Variants in TMEM41B observed in about 807,000 individuals in gnomAD.
TMEM41B encodes transmembrane protein 41B.
Under a neutral mutation model 31.9 loss-of-function variants are expected in TMEM41B, and 18 were observed. The ratio of observed to expected loss-of-function variants is 0.56; its 90% CI spans 0.39 to 0.84. The LOEUF is 0.84. TMEM41B is among the 40% of genes least tolerant of loss of function. TMEM41B has a pLI of 0.00. For synonymous variants in TMEM41B, 144 were observed against 124.3 expected (o/e 1.16, Z -1.05); for missense variants, 322 against 348.0 (o/e 0.93, Z 0.59).
In TMEM41B at chr11:9,314,278, A is replaced by T. The variant is rs758795143; in HGVS notation, c.121+43T>A. 9 of 1,549,528 alleles carry T rather than the reference A, an allele frequency of 5.8e-6. No homozygotes were observed. The African/African-American group carries it at 1.1e-4, about 19-fold the overall frequency. ...GTCCTTTTCCCCACCCGACACACAGAAGCCTCGGGCCACCCCCAGCTCTGC... is the reference window on the plus strand; with the variant it reads ...GTCCTTTTCCCCACCCGACACACAGTAGCCTCGGGCCACCCCCAGCTCTGC... On this transcript the variant is annotated intron_variant, in intron 1 of 6. Coordinates refer to ENST00000528080, the MANE Select transcript of TMEM41B (RefSeq NM_015012.4).
intron 1 of TMEM41B, among the ~76,000 whole-genome samples, chr11:9,307,593 C>A (rs938966957): frequency 5.3e-5 from 8 of 151,762 alleles, no homozygotes; most frequent in African/African-American, 7.3e-5. Flanking sequence ...CAGGCGTGGG[C>A]CACCACGTCC....
At chr11:9,287,363 A>G (rs185563391) in intron 5 of TMEM41B, among the ~76,000 whole-genome samples, 4 of 152,302 alleles carry the variant, frequency 2.6e-5, no homozygotes, top group African/African-American at 4.8e-5. Context: ...AAGTGTTTCC[A>G]TAACAGATGC....
intron 2 of TMEM41B, among the ~76,000 whole-genome samples, chr11:9,296,875 G>C (rs975372798): frequency 6.6e-6 from 1 of 152,054 alleles, no homozygotes; most frequent in African/African-American, 2.4e-5. Context: ...GGAAAGCCTC[G>C]AATAATCACC....
At chr11:9,298,853 A>G (rs1254594139) in intron 2 of TMEM41B, among the ~76,000 whole-genome samples, 1 of 152,136 alleles carries the variant, frequency 6.6e-6, no homozygotes, top group East Asian at 1.9e-4. Flanking sequence ...CACATTTCAC[A>G]GTTCTCCATT....
chr11:9,310,348 A>T (rs1853526247), intron 1 of TMEM41B, among the ~76,000 whole-genome samples: 1 of 151,906 alleles, frequency 6.6e-6, no homozygotes, highest in South Asian at 2.1e-4. Flanking sequence ...AATGTACATG[A>T]CCCGGTATAC....
chr11:9,312,903 CAAAA>C (rs36030741), intron 1 of TMEM41B, among the ~76,000 whole-genome samples: 5 of 95,336 alleles, frequency 5.2e-5, no homozygotes, highest in Non-Finnish European at 4.2e-5. Flanking sequence ...GACTCCGTCT[CAAAA>C]AAAAAAAAAA....
At chr11:9,292,079 A>G (rs1427843004) in intron 3 of TMEM41B, among the ~76,000 whole-genome samples, 2 of 152,220 alleles carry the variant, frequency 1.3e-5, no homozygotes, top group Non-Finnish European at 2.9e-5. Flanking sequence ...TTATTGTCCT[A>G]AAGACTAGTC....
intron 5 of TMEM41B, among the ~76,000 whole-genome samples, chr11:9,286,894 G>A (rs1395966995): frequency 1.3e-5 from 2 of 152,090 alleles, no homozygotes; most frequent in African/African-American, 4.8e-5. Context: ...TAGCTACTTG[G>A]GAGGCTGAGG....
Position 9,280,989 on chromosome 11 carries a change from A to G in TMEM41B, c.*2435T>C, listed in dbSNP as rs937892338. 6.6e-6 allele frequency: 1 copy of G among 152,172 alleles called. No individual in the cohort carries two copies. The highest frequency in any genetic ancestry group is 1.5e-5 in the Non-Finnish European group (1 of 68,026). The allele number at this position is 152,172 out of a possible 1,614,324, so 9.4% of individuals were successfully genotyped here. A position where few individuals can be genotyped will look rare whatever the true frequency, so the allele number is the denominator to read the frequency against. ...TGACAGTCAATGATGATGAATCTGG[A>G]AAAACTGTCTATTCTCTTAGGAGAA... On this transcript the variant is annotated 3_prime_UTR_variant, in exon 7 of 7. Transcript: ENST00000528080.
rs567523325 is a variant in TMEM41B, at chr11:9,296,986, G to A, written c.240-1599C>T. On this transcript the variant is annotated intron_variant, in intron 2 of 6. Coordinates refer to ENST00000528080, the MANE Select transcript of TMEM41B (RefSeq NM_015012.4). ...CAGGCTGGATGGAGTGCAATGGCAC[G>A]ATCATAGCTCAATATTACCTCCATC... 1.0e-3 allele frequency among the ~76,000 whole-genome samples: 156 copies of A among 152,252 alleles called. 1 individual carries two copies. The highest frequency in any genetic ancestry group is 3.3e-3 in the African/African-American group (139 of 41,566).
chr11:9,294,271 G>A (rs1338814948), intron 3 of TMEM41B, among the ~76,000 whole-genome samples: 1 of 149,480 alleles, frequency 6.7e-6, no homozygotes, highest in Non-Finnish European at 1.5e-5. Context: ...GAGATGGGCA[G>A]ATCACCTGAG....
chr11:9,294,321 T>C (rs1309754028), intron 3 of TMEM41B, among the ~76,000 whole-genome samples: 2 of 149,252 alleles, frequency 1.3e-5, no homozygotes, highest in Non-Finnish European at 3.0e-5. Flanking sequence ...ATGGTGAAAC[T>C]CCGTCTCTAC....
At chr11:9,293,357 C>G (rs1338354387) in intron 3 of TMEM41B, among the ~76,000 whole-genome samples, 1 of 151,834 alleles carries the variant, frequency 6.6e-6, no homozygotes. Flanking sequence ...CCTGCTGAAG[C>G]CTCCCAAAGT....
chr11:9,299,433 G>A (rs932138747), intron 2 of TMEM41B, 151 bp downstream of exon 2: 3 of 590,218 alleles, frequency 5.1e-6, no homozygotes, highest in Non-Finnish European at 9.2e-6. Flanking sequence ...GTGTTGCCCA[G>A]GCTGGTCTCG....
Position 9,286,491 on chromosome 11 carries a change from C to G in TMEM41B, c.670G>C (p.Val224Leu). The change falls in exon 6 of 7, where the codon GTG becomes CTG. Residue 224 changes from valine (V) to leucine (L), a missense_variant. Transcript: ENST00000528080. ...FINITSPVIN[V>L]PLKVFFIGTF... The stretch of plus-strand genomic sequence containing the variant: ...CCAATAAAAAAAACTTTCAATGGCA[C>G]GTTTATCACAGGAGATGTGATATTA... 6.2e-7 allele frequency: 1 copy of G among 1,611,254 alleles called. No homozygotes were observed. The highest frequency in any genetic ancestry group is 1.7e-4 in the Middle Eastern group (1 of 6,050).
intron 1 of TMEM41B, among the ~76,000 whole-genome samples, chr11:9,307,367 T>A (rs1853425509): frequency 3.3e-5 from 5 of 152,228 alleles, no homozygotes. Flanking sequence ...TTCAACGGTC[T>A]TAAACTATTA....
Position 9,290,249 on chromosome 11 carries a change from C to T in TMEM41B, c.369-1714G>A, listed in dbSNP as rs543735112. 6.8e-4 allele frequency among the ~76,000 whole-genome samples: 103 copies of T among 152,096 alleles called. 1 individual carries two copies. Among genetic ancestry groups the T allele is most frequent in the East Asian group, 3.1e-3 (16 of 5,176 alleles). On this transcript the variant is annotated intron_variant, in intron 3 of 6. Coordinates refer to ENST00000528080, the MANE Select transcript of TMEM41B (RefSeq NM_015012.4). ...AAAACTAGCCGGGCGTGGTGGTGGG[C>T]ACCTGTAGTCCCAGCTACTCGGGAA...
At chr11:9,289,499 T>C (rs1370568784) in intron 3 of TMEM41B, among the ~76,000 whole-genome samples, 2 of 152,066 alleles carry the variant, frequency 1.3e-5, no homozygotes, top group Non-Finnish European at 2.9e-5. Flanking sequence ...TTCAATCTCC[T>C]CCTCCTTCCT....
chr11:9,311,625 C>A, intron 1 of TMEM41B: 1 of 915,290 alleles, frequency 1.1e-6, no homozygotes, highest in Non-Finnish European at 1.7e-6. Flanking sequence ...ATTGGAACCT[C>A]CAGGGCACCC....
Sources: allele counts gnomAD v4.1 joint callset (sites outside exome capture counted in the v4.1 genomes callset), GRCh38; gene constraint gnomAD v4.1.1; transcripts MANE v1.5; gene names NCBI Gene and HGNC (gene_info 2026-07-23, HGNC 2026-07-21).